The following NLRP11 variants were observed in gnomAD, a reference collection of about 807,000 sequenced individuals.
NLRP11 encodes the protein NLR family pyrin domain containing 11, also known as NACHT, LRR and PYD domains-containing protein 11.
Under a neutral mutation model 79.3 loss-of-function variants are expected in NLRP11, and 53 were observed. The observed-to-expected ratio is 0.67, with a 90% CI of 0.54 to 0.84. The LOEUF is 0.84. Ranked by LOEUF, NLRP11 falls within the 40% of genes least tolerant of loss-of-function variation. The pLI, the probability that NLRP11 is intolerant of heterozygous loss-of-function variation, is 0.00. For synonymous variants in NLRP11, 518 were observed against 462.6 expected, an observed-to-expected ratio of 1.12 and a Z score of -1.54; for missense variants, 1,264 against 1,255.0, an observed-to-expected ratio of 1.01 and a Z score of -0.11.
At chr19:55,836,072 C>T (rs943999918), upstream of NLRP11, among the ~76,000 whole-genome samples, 1 of 152,132 alleles carries the variant, frequency 6.6e-6, no homozygotes, top group East Asian at 1.9e-4. Flanking sequence ...TACAGTGGGC[C>T]GAGATGACGC....
At chr19:55,812,298 T>C (rs1025485196) in intron 2 of NLRP11, among the ~76,000 whole-genome samples, 1 of 152,078 alleles carries the variant, frequency 6.6e-6, no homozygotes, top group African/African-American at 2.4e-5. Flanking sequence ...AAAGAATTCA[T>C]TGGAATGGCT....
chr19:55,819,461 C>T lies in NLRP11; in HGVS notation c.-62-1225G>A, dbSNP rs568290703. 9.2e-5 allele frequency among the ~76,000 whole-genome samples: 14 copies of T among 152,256 alleles called. No homozygotes were observed. In the South Asian group the frequency reaches 2.1e-3, roughly 23 times the overall value. ...ATCCTGGTATCATTACACTCCGTCA[C>T]GAGAAGTTGAGATTGCCGAGTTGTG... On this transcript the variant is annotated intron_variant, in intron 1 of 9. Transcript: ENST00000589093.
At chr19:55,819,601 T>A (rs1269992541) in intron 1 of NLRP11, among the ~76,000 whole-genome samples, 1 of 152,126 alleles carries the variant, frequency 6.6e-6, no homozygotes, top group Non-Finnish European at 1.5e-5. Flanking sequence ...TTGGCTAACA[T>A]CTCCATGGTT....
intron 1 of NLRP11, 55 bp downstream of exon 1, chr19:55,831,908 A>C (rs1417664421): frequency 1.3e-5 from 2 of 152,246 alleles, no homozygotes; most frequent in African/African-American, 4.8e-5. Context: ...AATGTAACAT[A>C]ATAAAAAAAG....
intron 1 of NLRP11, among the ~76,000 whole-genome samples, chr19:55,826,589 C>CA (rs1307688231): frequency 2.2e-5 from 2 of 91,834 alleles, no homozygotes; most frequent in African/African-American, 4.7e-5. Flanking sequence ...AATCAATGTA[C>CA]AAAAATCACA....
intron 1 of NLRP11, among the ~76,000 whole-genome samples, chr19:55,826,947 G>T (rs1284194878): frequency 9.8e-5 from 13 of 132,152 alleles, no homozygotes; most frequent in African/African-American, 1.8e-4. Context: ...AAAAGAGCCC[G>T]CATTGCCAAG....
chr19:55,834,368 A>G (rs1472458799), upstream of NLRP11, among the ~76,000 whole-genome samples: 1 of 152,254 alleles, frequency 6.6e-6, no homozygotes, highest in Non-Finnish European at 1.5e-5. Context: ...GAGGCAACAA[A>G]TGGCTCACAA....
intron 7 of NLRP11, among the ~76,000 whole-genome samples, chr19:55,791,450 A>G (rs1990228709): frequency 1.3e-5 from 2 of 152,348 alleles, no homozygotes; most frequent in South Asian, 2.1e-4. Flanking sequence ...TAACTACAAG[A>G]CAGAAATAAA....
At position 55,817,946 on chromosome 19, in the gene NLRP11, G is replaced by A. The variant is rs945392173; in HGVS notation, c.229C>T (p.Arg77Cys). 15 of 1,612,358 alleles carry A rather than the reference G, an allele frequency of 9.3e-6. No individual in the cohort carries two copies. The highest frequency in any genetic ancestry group is 2.7e-5 in the African/African-American group (2 of 74,752). The change falls in exon 2 of 10, where the codon CGT (arginine) becomes TGT (cysteine). Residue 77 changes from arginine to cysteine, a missense_variant. Arg to Cys is a radical substitution (Grantham distance 180, BLOSUM62 -3). Coordinates refer to ENST00000589093, the Ensembl canonical transcript of NLRP11. ...ATCTTCCTACAAAGATCTTCCTTACGCATCATTGAAAATATGCTGAAGAGC... is the reference window on the plus strand; with the variant it reads ...ATCTTCCTACAAAGATCTTCCTTACACATCATTGAAAATATGCTGAAGAGC...
rs573947868 is a variant in NLRP11 at position 55,794,759 on chromosome 19, C to CA, written c.2342+1320dup. ...TGGGCAATACAGCGAGACTCCGTCT[C>CA]AAAAAAAAAAAATAAATAAAAGCAT... On this transcript the variant is annotated intron_variant, in intron 6 of 9. Transcript: ENST00000589093. Among the ~76,000 whole-genome samples, 1,232 of 132,848 alleles carry CA rather than the reference C, an allele frequency of 9.3e-3. 16 individuals carry two copies. Among genetic ancestry groups the CA allele is most frequent in the African/African-American group, 0.029 (1,043 of 36,120 alleles). The allele number at this position is 132,848 out of a possible 152,430, so 87.2% of individuals were successfully genotyped here.
chr19:55,791,025 T>C (rs779826431), intron 7 of NLRP11, among the ~76,000 whole-genome samples: 2 of 152,206 alleles, frequency 1.3e-5, no homozygotes, highest in Non-Finnish European at 2.9e-5. Flanking sequence ...GTTCAAACTA[T>C]GGTCTGAGAG....
chr19:55,799,880 T>A (rs1979306167), intron 5 of NLRP11, among the ~76,000 whole-genome samples: 1 of 152,000 alleles, frequency 6.6e-6, no homozygotes, highest in Non-Finnish European at 1.5e-5. Context: ...GGCAGGAGAA[T>A]CGCTTAAACC....
rs1437114707 is a variant in NLRP11 at position 55,808,104 on chromosome 19, G to A, written c.1842-90C>T. On this transcript the variant is annotated intron_variant, in intron 3 of 9. Coordinates refer to ENST00000589093, the Ensembl canonical transcript of NLRP11. ...GTAAATTAAAGTATGTTTTGAGAGTGCCTGTTGTCTGACTCAGATTTAATA... is the reference window on the plus strand; with the variant it reads ...GTAAATTAAAGTATGTTTTGAGAGTACCTGTTGTCTGACTCAGATTTAATA... The A allele has an allele frequency of 5.8e-6, 5 of 859,300 alleles. No individual in the cohort carries two copies. In the East Asian group the frequency reaches 7.4e-5, roughly 13 times the overall value. 53.2% of individuals were successfully genotyped at this position (859,300 alleles called of 1,614,324 possible).
intron 5 of NLRP11, among the ~76,000 whole-genome samples, chr19:55,800,093 A>G (rs1979329493): frequency 6.6e-6 from 1 of 152,240 alleles, no homozygotes; most frequent in Non-Finnish European, 1.5e-5. Flanking sequence ...TACAAGACAA[A>G]GCAGCTTGAG....
In NLRP11 at chr19:55,807,011, G is replaced by A. The variant is rs1254683220; in HGVS notation, c.2003+842C>T. 2.6e-5 allele frequency among the ~76,000 whole-genome samples: 4 copies of A among 151,928 alleles called. No individual in the cohort carries two copies. In the East Asian group the frequency reaches 7.7e-4, roughly 29 times the overall value. On this transcript the variant is annotated intron_variant, in intron 4 of 9. Transcript: ENST00000589093. ...ATACCCACTTATGCACCCTGACCTTGCCATTCTTTTCCCCCCGTAACACCA... is the reference window on the plus strand; with the variant it reads ...ATACCCACTTATGCACCCTGACCTTACCATTCTTTTCCCCCCGTAACACCA...
rs539528674 is a variant in NLRP11 at position 55,793,179 on chromosome 19, C to T, written c.2343-708G>A. On this transcript the variant is annotated intron_variant, in intron 6 of 9. Coordinates refer to ENST00000589093, the Ensembl canonical transcript of NLRP11. ...ATAGGCGTGAGCCACCACACCCGGC[C>T]GAATCTCTATTTTTTTTAACCCGTT... Among the ~76,000 whole-genome samples, 394 of 152,256 alleles carry T rather than the reference C, an allele frequency of 2.6e-3. 1 individual carries two copies. Among genetic ancestry groups the T allele is most frequent in the African/African-American group, 8.9e-3 (371 of 41,550 alleles).
chr19:55,820,686 C>A (rs1981606082), intron 1 of NLRP11, among the ~76,000 whole-genome samples: 1 of 152,106 alleles, frequency 6.6e-6, no homozygotes, highest in South Asian at 2.1e-4. Flanking sequence ...CTTAATCTCT[C>A]TTAACTCAGA....
intron 6 of NLRP11, among the ~76,000 whole-genome samples, chr19:55,792,838 T>C (rs1264085065): frequency 6.6e-6 from 1 of 152,230 alleles, no homozygotes; most frequent in Non-Finnish European, 1.5e-5. Context: ...GTTACTTTAT[T>C]ATTTATAAGT....
chr19:55,832,589 G>A (rs947743644), upstream of NLRP11, among the ~76,000 whole-genome samples: 24 of 152,212 alleles, frequency 1.6e-4, no homozygotes, highest in African/African-American at 4.8e-4. Context: ...TTAGTCAGGA[G>A]GGAGTATGCT....
Sources: allele counts gnomAD v4.1 joint callset (sites outside exome capture counted in the v4.1 genomes callset), GRCh38; gene constraint gnomAD v4.1.1; transcripts MANE v1.5; gene names NCBI Gene and HGNC (gene_info 2026-07-23, HGNC 2026-07-21).